Variants in TASP1 observed in about 807,000 individuals in gnomAD.
TASP1 encodes taspase 1, also known as threonine aspartase 1.
Under a neutral mutation model 56.6 loss-of-function variants are expected in TASP1, and 16 were observed. That is an observed-to-expected ratio of 0.28 (90% CI 0.19 to 0.43). The LOEUF is 0.43. TASP1 is among the 20% of genes least tolerant of loss of function. The pLI, the probability that TASP1 is intolerant of heterozygous loss-of-function variation, is 1.00. For synonymous variants in TASP1, 179 were observed against 184.2 expected (o/e 0.97, Z 0.23); for missense variants, 393 against 511.6 (o/e 0.77, Z 2.24).
the TASP1 span, among the ~76,000 whole-genome samples, chr20:13,352,487 T>C: frequency 2.0e-5 from 3 of 152,016 alleles, no homozygotes; most frequent in African/African-American, 7.2e-5. Context: ...TTAGATTTTA[T>C]AGCAGATGTT....
chr20:13,548,840 G>A lies in TASP1; in HGVS notation c.675+10168C>T, dbSNP rs139182820. Among the ~76,000 whole-genome samples the A allele has an allele frequency of 2.6e-3, 391 of 152,116 alleles. 8 individuals carry two copies. The highest frequency in any genetic ancestry group is 0.023 in the Admixed American group (347 of 15,246). ...AGAACAAGCAATGATCTCAAATACC[G>A]GCCCAATAGCTTACCCATTCCTGCA... On this transcript the variant is annotated intron_variant, in intron 8 of 13. Coordinates refer to ENST00000337743, the MANE Select transcript of TASP1 (RefSeq NM_017714.3).
At chr20:13,363,200 C>G in the TASP1 span, among the ~76,000 whole-genome samples, 1 of 152,026 alleles carries the variant, frequency 6.6e-6, no homozygotes, top group African/African-American at 2.4e-5. Flanking sequence ...CCAGAAAGAC[C>G]AAATCTTGAT....
At chr20:13,359,561 C>T in the TASP1 span, among the ~76,000 whole-genome samples, 5 of 151,312 alleles carry the variant, frequency 3.3e-5, no homozygotes, top group Non-Finnish European at 7.4e-5. Context: ...CTCCACATTA[C>T]CTTCTTTTCA....
chr20:13,557,718 G>A (rs1185846758), intron 8 of TASP1, among the ~76,000 whole-genome samples: 2 of 151,090 alleles, frequency 1.3e-5, no homozygotes, highest in African/African-American at 2.4e-5. Context: ...GTAGCTGAGA[G>A]TACAGGTATG....
At chr20:13,281,574 C>T in the TASP1 span, among the ~76,000 whole-genome samples, 1 of 152,170 alleles carries the variant, frequency 6.6e-6, no homozygotes, top group Admixed American at 6.5e-5. Context: ...AGGGCTAAGA[C>T]CTGAGATTCA....
At chr20:13,632,439 A>G (rs1277045215) in intron 1 of TASP1, among the ~76,000 whole-genome samples, 1 of 152,174 alleles carries the variant, frequency 6.6e-6, no homozygotes, top group East Asian at 1.9e-4. Context: ...TCAACATTTT[A>G]TATGGTTTGA....
At chr20:13,178,934 C>T in the TASP1 span, among the ~76,000 whole-genome samples, 2 of 151,934 alleles carry the variant, frequency 1.3e-5, no homozygotes, top group African/African-American at 4.8e-5. Flanking sequence ...TGAATGTCCC[C>T]AACACAAAGA....
At chr20:13,227,479 A>G in the TASP1 span, among the ~76,000 whole-genome samples, 67 of 147,612 alleles carry the variant, frequency 4.5e-4, no homozygotes, top group South Asian at 0.014. Flanking sequence ...CTGGGATTAC[A>G]GGTGTGAGCC....
intron 4 of TASP1, among the ~76,000 whole-genome samples, chr20:13,599,802 A>G (rs2147346175): frequency 6.6e-6 from 1 of 152,116 alleles, no homozygotes; most frequent in Non-Finnish European, 1.5e-5. Context: ...AAAAAAAAAA[A>G]AAAGATCCTG....
intron 11 of TASP1, among the ~76,000 whole-genome samples, chr20:13,460,713 A>G (rs2044022988): frequency 6.6e-6 from 1 of 152,068 alleles, no homozygotes; most frequent in South Asian, 2.1e-4. Flanking sequence ...CTTTCACCCT[A>G]TATTAATTAA....
rs1373149945 is a variant in TASP1, at chr20:13,566,467, C to CA, written c.568+3039dup. 4.6e-5 allele frequency among the ~76,000 whole-genome samples: 7 copies of CA among 150,746 alleles called. No homozygotes were observed. In the East Asian group the frequency reaches 9.8e-4, roughly 21 times the overall value. Reference sequence around the variant, plus strand: ...AATGGCTAAACAGTAGTAGTACCTCCATACCATGAATACTCAGGAATGAAA... The same window carrying CA: ...AATGGCTAAACAGTAGTAGTACCTCCAATACCATGAATACTCAGGAATGAAA... On this transcript the variant is annotated intron_variant, in intron 7 of 13. Coordinates refer to ENST00000337743, the MANE Select transcript of TASP1 (RefSeq NM_017714.3).
intron 1 of TASP1, among the ~76,000 whole-genome samples, chr20:13,631,450 A>G (rs1373217503): frequency 6.6e-6 from 1 of 152,072 alleles, no homozygotes; most frequent in Non-Finnish European, 1.5e-5. Flanking sequence ...TCTTTTGGTT[A>G]TTTCTCACAA....
chr20:13,635,292 G>C (rs1403574703), intron 1 of TASP1, among the ~76,000 whole-genome samples: 2 of 151,694 alleles, frequency 1.3e-5, no homozygotes, highest in African/African-American at 4.8e-5. Flanking sequence ...TGATTCTCTT[G>C]ATCACCTGCT....
the TASP1 span, chr20:13,167,675 C>T: frequency 2.0e-5 from 3 of 152,136 alleles, no homozygotes; most frequent in African/African-American, 7.2e-5. Flanking sequence ...GTGTCATGGA[C>T]GTTTAACCAT....
At chr20:13,148,358 T>C in the TASP1 span, among the ~76,000 whole-genome samples, 1 of 152,262 alleles carries the variant, frequency 6.6e-6, no homozygotes, top group Admixed American at 6.5e-5. Flanking sequence ...TCAGAAGAGA[T>C]AGAACAGGAA....
Position 13,569,644 on chromosome 20 carries a change from A to G in TASP1, c.489-58T>C, listed in dbSNP as rs1030165928. The G allele has an allele frequency of 2.1e-6, 3 of 1,416,696 alleles. No individual in the cohort carries two copies. The African/African-American group carries it at 4.2e-5, about 20-fold the overall frequency. The allele number at this position is 1,416,696 out of a possible 1,614,324, so 87.8% of individuals were successfully genotyped here. On this transcript the variant is annotated intron_variant, in intron 6 of 13. Transcript: ENST00000337743. ...AGTGTCATCTTCTCCTACATATTCA[A>G]TAAATATAGGTAATATGGTAAGGCA...
intron 4 of TASP1, among the ~76,000 whole-genome samples, chr20:13,615,365 T>G (rs901016091): frequency 6.6e-6 from 1 of 152,174 alleles, no homozygotes; most frequent in African/African-American, 2.4e-5. Context: ...AAAGAACTTC[T>G]GTCAAATGTC....
At chr20:13,592,134 C>G (rs1207110621) in intron 4 of TASP1, among the ~76,000 whole-genome samples, 1 of 151,992 alleles carries the variant, frequency 6.6e-6, no homozygotes, top group East Asian at 1.9e-4. Flanking sequence ...CACAGTGGCG[C>G]ACACCTGTAA....
At chr20:13,349,318 G>A in the TASP1 span, among the ~76,000 whole-genome samples, 1 of 152,100 alleles carries the variant, frequency 6.6e-6, no homozygotes, top group South Asian at 2.1e-4. Context: ...ATCCCCAAGT[G>A]ACTATATAAA....
Sources: allele counts gnomAD v4.1 joint callset (sites outside exome capture counted in the v4.1 genomes callset), GRCh38; gene constraint gnomAD v4.1.1; transcripts MANE v1.5; gene names NCBI Gene and HGNC (gene_info 2026-07-23, HGNC 2026-07-21).